SUPV3L1: variants seen among roughly 807,000 people sequenced by gnomAD.
The protein encoded by SUPV3L1 is ATP-dependent RNA helicase SUPV3L1, mitochondrial.
SUPV3L1 carries 35 observed loss-of-function variants against 70.0 expected under a neutral mutation model. The ratio of observed to expected loss-of-function variants is 0.50; its 90% CI spans 0.38 to 0.66. The LOEUF is 0.66. Among genes scored for constraint, SUPV3L1 ranks in the 30% least tolerant of loss-of-function variants. SUPV3L1 has a pLI of 0.00. For synonymous variants in SUPV3L1, 364 were observed against 341.9 expected (o/e 1.06, Z -0.71); for missense variants, 777 against 961.5 (o/e 0.81, Z 2.54).
chr10:69,186,391 C>A, intron 2 of SUPV3L1, 52 bp from the exon 3 acceptor site: 2 of 1,242,662 alleles, frequency 1.6e-6, no homozygotes, highest in Non-Finnish European at 2.3e-6. Flanking sequence ...TGTCTGTGTG[C>A]TTTTTAAAAT....
chr10:69,180,823 T>C (rs1245150408), intron 1 of SUPV3L1, among the ~76,000 whole-genome samples: 1 of 152,132 alleles, frequency 6.6e-6, no homozygotes. Flanking sequence ...TAGACACTCA[T>C]GTGTTGGGAA....
chr10:69,203,260 C>G (rs1286743983), intron 13 of SUPV3L1, among the ~76,000 whole-genome samples: 1 of 152,158 alleles, frequency 6.6e-6, no homozygotes, highest in Admixed American at 6.5e-5. Flanking sequence ...AGCACCATGC[C>G]AGGGTTCTAG....
intron 4 of SUPV3L1, 67 bp downstream of exon 4, chr10:69,187,823 T>A (rs1842273811): frequency 1.9e-6 from 2 of 1,060,990 alleles, no homozygotes; most frequent in Non-Finnish European, 2.7e-6. Flanking sequence ...TGGTCATTAT[T>A]TTTTTTTATT....
At chr10:69,185,885 A>C (rs1358540951) in intron 1 of SUPV3L1, 102 bp from the exon 2 acceptor site, 3 of 846,534 alleles carry the variant, frequency 3.5e-6, no homozygotes, top group Admixed American at 4.0e-5. Flanking sequence ...TGCAACACTC[A>C]TTAGACTGCT....
chr10:69,199,277 A>G (rs1842623942), intron 10 of SUPV3L1, 80 bp downstream of exon 10: 5 of 1,033,236 alleles, frequency 4.8e-6, no homozygotes, highest in East Asian at 2.6e-5. Flanking sequence ...TCTAATTGGC[A>G]TTAATGACCA....
chr10:69,185,899 T>A, intron 1 of SUPV3L1, 88 bp from the exon 2 acceptor site: 1 of 944,528 alleles, frequency 1.1e-6, no homozygotes, highest in Non-Finnish European at 1.7e-6. Context: ...GACTGCTGCC[T>A]TTAGTGTTAT....
At chr10:69,195,951 T>C (rs1842531597) in intron 7 of SUPV3L1, among the ~76,000 whole-genome samples, 1 of 152,182 alleles carries the variant, frequency 6.6e-6, no homozygotes, top group African/African-American at 2.4e-5. Context: ...CTCCCTATGT[T>C]GCCCAGGCTG....
intron 10 of SUPV3L1, 74 bp downstream of exon 10, chr10:69,199,271 A>C (rs2271096): frequency 0.065 from 73,153 of 1,130,144 alleles, 2,757 homozygotes; most frequent in South Asian, 0.13. Flanking sequence ...CAGTTTTCTA[A>C]TTGGCATTAA....
chr10:69,206,681 C>T (rs1231579567), intron 13 of SUPV3L1, among the ~76,000 whole-genome samples: 1 of 152,208 alleles, frequency 6.6e-6, no homozygotes, highest in East Asian at 1.9e-4. Context: ...TCTGACCAGC[C>T]TTGCACCAGG....
rs765137331 is a variant in SUPV3L1, at chr10:69,203,034, A to G, written c.1767A>G (p.Ser589=). Residue 589 remains serine, a synonymous_variant, in exon 13 of 15, where the codon TCA becomes TCG. Transcript: ENST00000359655. ...INKKQPFVCS[S]LLQFARQYSR... is the part of the protein sequence containing the mutation. ...AGAAGCAGCCTTTTGTGTGTTCTTCACTGTTACAGGTAAGCCTTTATCTTT... is the reference window on the plus strand; with the variant it reads ...AGAAGCAGCCTTTTGTGTGTTCTTCGCTGTTACAGGTAAGCCTTTATCTTT... 8.7e-6 allele frequency: 14 copies of G among 1,612,442 alleles called. No homozygotes were observed. In the South Asian group the frequency reaches 1.3e-4, roughly 15 times the overall value.
At chr10:69,182,151 T>C (rs1842084099) in intron 1 of SUPV3L1, among the ~76,000 whole-genome samples, 2 of 151,992 alleles carry the variant, frequency 1.3e-5, no homozygotes, top group Admixed American at 6.6e-5. Flanking sequence ...TGCATCACCA[T>C]GCCTGGATAA....
At chr10:69,184,079 C>T (rs1043473482) in intron 1 of SUPV3L1, among the ~76,000 whole-genome samples, 2 of 151,942 alleles carry the variant, frequency 1.3e-5, no homozygotes, top group Non-Finnish European at 1.5e-5. Flanking sequence ...TATATAACAC[C>T]GTAGTATTAG....
chr10:69,182,573 T>C (rs577797840), intron 1 of SUPV3L1: 5 of 985,386 alleles, frequency 5.1e-6, no homozygotes, highest in South Asian at 9.4e-5. Context: ...TGTAAGAAGA[T>C]AGAATAAAGA....
chr10:69,198,511 G>A lies in SUPV3L1; in HGVS notation c.1163G>A (p.Arg388Gln). 3 of 1,614,050 alleles carry A rather than the reference G, an allele frequency of 1.9e-6. No individual in the cohort carries two copies. The highest frequency in any genetic ancestry group is 1.3e-5 in the African/African-American group (1 of 75,024). The change falls in exon 9 of 15, where the codon CGG (arginine) becomes CAG (glutamine). Residue 388 changes from arginine to glutamine, a missense_variant. By Grantham distance (43) the Arg-to-Gln change is conservative (BLOSUM62 1). This residue lies in a region of SUPV3L1 where 619 missense variants were observed against 823.3 expected (regional missense o/e 0.75). Coordinates refer to ENST00000359655, the MANE Select transcript of SUPV3L1 (RefSeq NM_003171.5). The part of the protein sequence containing the change: ...IYSVSRQIEI[R>Q]GLESAVIYGS... Reference sequence around the variant, plus strand: ...TCTGTGAGTCGGCAGATTGAAATTCGGGGATTAGAATCAGCTGTTATATAT... The same window carrying A: ...TCTGTGAGTCGGCAGATTGAAATTCAGGGATTAGAATCAGCTGTTATATAT...
chr10:69,195,231 A>G lies in SUPV3L1; in HGVS notation c.897A>G (p.Pro299=). ...VIDEIQMIRD[P]ARGWAWTRAL... ...ATGAAATTCAAATGATTAGAGATCCAGCCAGAGGATGGGCCTGGACCAGAG... is the reference window on the plus strand; with the variant it reads ...ATGAAATTCAAATGATTAGAGATCCGGCCAGAGGATGGGCCTGGACCAGAG... Residue 299 remains proline (P), a synonymous_variant, in exon 7 of 15, where the codon CCA becomes CCG. Coordinates refer to ENST00000359655, the MANE Select transcript of SUPV3L1 (RefSeq NM_003171.5). 1 of 1,613,328 alleles carries G rather than the reference A, an allele frequency of 6.2e-7. No homozygotes were observed. The highest frequency in any genetic ancestry group is 8.5e-7 in the Non-Finnish European group (1 of 1,179,708).
At chr10:69,187,165 T>G (rs1402535324) in intron 3 of SUPV3L1, among the ~76,000 whole-genome samples, 1 of 152,094 alleles carries the variant, frequency 6.6e-6, no homozygotes, top group Non-Finnish European at 1.5e-5. Context: ...TATTTTTAAT[T>G]TAACTTTTGC....
chr10:69,200,727 GT>G (rs1408904029), intron 11 of SUPV3L1, among the ~76,000 whole-genome samples: 3 of 152,216 alleles, frequency 2.0e-5, no homozygotes, highest in African/African-American at 7.2e-5. Context: ...GATTGACAAA[GT>G]TTAGTGAGCC....
intron 7 of SUPV3L1, among the ~76,000 whole-genome samples, chr10:69,196,786 G>T (rs938071541): frequency 3.3e-5 from 5 of 152,036 alleles, no homozygotes; most frequent in African/African-American, 7.2e-5. Context: ...AATTTAAAAG[G>T]CCTGAGATTA....
intron 7 of SUPV3L1, among the ~76,000 whole-genome samples, chr10:69,195,944 C>T (rs1842531048): frequency 6.6e-6 from 1 of 151,950 alleles, no homozygotes; most frequent in Non-Finnish European, 1.5e-5. Context: ...ACAGAGTCTC[C>T]CTATGTTGCC....
Sources: gnomAD v4.1 joint callset for allele counts (sites outside exome capture counted in the v4.1 genomes callset) on GRCh38, gnomAD v4.1.1 for gene constraint, gnomAD v4.1.1 regional missense constraint, MANE v1.5 for transcripts, NCBI Gene and HGNC (gene_info 2026-07-23, HGNC 2026-07-21) for gene names.